Variants in SPTAN1 observed in about 807,000 individuals in gnomAD.
SPTAN1 encodes spectrin alpha chain, non-erythrocytic 1.
A neutral mutation model predicts 331.3 loss-of-function variants in SPTAN1; 61 were observed. That is an observed-to-expected ratio of 0.18 (90% CI 0.15 to 0.23). The LOEUF (loss-of-function observed/expected upper bound fraction) is 0.23. Ranked by LOEUF, SPTAN1 falls within the 10% of genes least tolerant of loss-of-function variation. The probability of loss-of-function intolerance (pLI) is 1.00; values close to 1 mark genes in which losing one functional copy is unlikely to be tolerated. For missense variants in SPTAN1, 2,043 were observed against 3,147.9 expected, an observed-to-expected ratio of 0.65 and a Z score of 8.40; for synonymous variants, 1,153 against 1,173.9, an observed-to-expected ratio of 0.98 and a Z score of 0.36.
Position 128,618,075 on chromosome 9 carries a change from A to G in SPTAN1, c.5567A>G (p.His1856Arg), listed in dbSNP as rs1857396194. ...IQQRLAQFVE[H>R]WKELKQLAAA... The stretch of plus-strand genomic sequence containing the variant: ...CAGCGGCTGGCGCAGTTTGTGGAGC[A>G]CTGGAAAGAGCTGAAGCAGCTGGCA... Residue 1856 changes from histidine (H) to arginine (R), a missense_variant, in exon 43 of 57, where the codon CAC becomes CGC. His to Arg is a conservative substitution (Grantham distance 29). This residue lies in a region of SPTAN1 where 323 missense variants were observed against 581.1 expected (regional missense o/e 0.56). Coordinates refer to ENST00000372739, the MANE Select transcript of SPTAN1 (RefSeq NM_001130438.3). The G allele has an allele frequency of 1.2e-6, 2 of 1,613,820 alleles. No individual in the cohort carries two copies. The highest frequency in any genetic ancestry group is 2.2e-5 in the South Asian group (2 of 91,068).
chr9:128,628,001 C>A, intron 51 of SPTAN1, 59 bp downstream of exon 51: 1 of 1,609,090 alleles, frequency 6.2e-7, no homozygotes, highest in Non-Finnish European at 8.5e-7. Flanking sequence ...TGCGCTTGCC[C>A]CTCGTGGCCT....
chr9:128,607,763 C>T, intron 32 of SPTAN1, 60 bp downstream of exon 32: 1 of 1,611,350 alleles, frequency 6.2e-7, no homozygotes, highest in Non-Finnish European at 8.5e-7. Context: ...CCCTAGAGGC[C>T]TCATTCCCAC....
In SPTAN1 at chr9:128,594,108, C is replaced by T; in HGVS notation, c.3216-67C>T. 3 of 1,544,000 alleles carry T rather than the reference C, an allele frequency of 1.9e-6. No homozygotes were observed. The South Asian group carries it at 3.4e-5, about 17-fold the overall frequency. ...ATCTTGGAGACACCTCGTGGTTTGC[C>T]TTTATGTTAGCATCTACAGCTAACT... On this transcript the variant is annotated intron_variant, in intron 23 of 56. Transcript: ENST00000372739.
Position 128,632,627 on chromosome 9 carries a change from C to T in SPTAN1, c.7069C>T (p.Leu2357=). The T allele has an allele frequency of 4.3e-6, 7 of 1,614,080 alleles. No homozygotes were observed. Among genetic ancestry groups the T allele is most frequent in the Non-Finnish European group, 5.9e-6 (7 of 1,180,042 alleles). The change falls in exon 55 of 57, where the codon CTG becomes TTG. Residue 2357 remains leucine, a synonymous_variant. Coordinates refer to ENST00000372739, the MANE Select transcript of SPTAN1 (RefSeq NM_001130438.3). Reference sequence around the variant, plus strand: ...GAACCATCAGGAGTTCAAATCTTGCCTGCGCTCCCTGGGCTATGACCTGCC... The same window carrying T: ...GAACCATCAGGAGTTCAAATCTTGCTTGCGCTCCCTGGGCTATGACCTGCC... ...RLNHQEFKSC[L]RSLGYDLPMV... is the part of the protein sequence containing the mutation.
chr9:128,599,841 A>G (rs752113454), intron 26 of SPTAN1: 8 of 576,396 alleles, frequency 1.4e-5, no homozygotes, highest in Non-Finnish European at 2.5e-5. Context: ...TATTCTCTCC[A>G]TTTCTTCTAC....
intron 1 of SPTAN1, among the ~76,000 whole-genome samples, chr9:128,562,015 A>C (rs1482125149): frequency 6.6e-6 from 1 of 152,200 alleles, no homozygotes; most frequent in African/African-American, 2.4e-5. Context: ...CAGTGTTATA[A>C]GATGAATGAT....
intron 52 of SPTAN1, among the ~76,000 whole-genome samples, chr9:128,630,929 G>A (rs919044876): frequency 6.6e-6 from 1 of 152,002 alleles, no homozygotes; most frequent in Non-Finnish European, 1.5e-5. Flanking sequence ...GGCTGGTCTC[G>A]AACTCCTGAC....
Position 128,633,292 on chromosome 9 carries a change from G to C in SPTAN1, c.7392G>C (p.Ala2464=), listed in dbSNP as rs149318543. ...GCAAGGGCCGCGAGCTCCCCACCGC[G>C]TTCGACTACGTGGAGTTCACCCGCT... The part of the protein sequence containing the change: ...VDGKGRELPT[A]FDYVEFTRSL... Residue 2464 remains alanine (A), a synonymous_variant, in exon 57 of 57, where the codon GCG becomes GCC. Transcript: ENST00000372739. 2 of 1,613,972 alleles carry C rather than the reference G, an allele frequency of 1.2e-6. No homozygotes were observed. The highest frequency in any genetic ancestry group is 1.7e-6 in the Non-Finnish European group (2 of 1,180,020).
At chr9:128,600,172 G>C (rs1353771547) in intron 27 of SPTAN1, 57 bp downstream of exon 27, 4 of 1,565,272 alleles carry the variant, frequency 2.6e-6, no homozygotes, top group African/African-American at 2.7e-5. Context: ...CATGAAATAT[G>C]TCCTTTTCTG....
At position 128,625,720 on chromosome 9, in the gene SPTAN1, T is replaced by C; in HGVS notation, c.6070-49T>C. On this transcript the variant is annotated intron_variant, in intron 47 of 56. Coordinates refer to ENST00000372739, the MANE Select transcript of SPTAN1 (RefSeq NM_001130438.3). This position sits in a 1 kb window ranked among gnomAD's most constrained non-coding sequence, Gnocchi z 4.1. The stretch of plus-strand genomic sequence containing the variant: ...GCCATCTGAGCCTAGGAAGAGCAAG[T>C]TCCAGTCCTGTGGAGTCACCACAAA... The C allele has an allele frequency of 6.3e-7, 1 of 1,581,850 alleles. No homozygotes were observed. Among genetic ancestry groups the C allele is most frequent in the Non-Finnish European group, 8.7e-7 (1 of 1,153,936 alleles).
chr9:128,631,872 G>A lies in SPTAN1; in HGVS notation c.6763-255G>A, dbSNP rs1009003633. ...GCTTCCTGGAGTCCTCGCCGTACTT[G>A]TCCTTGGCGTGCACTGCCCTCTGGC... is the stretch of plus-strand genomic sequence containing the variant. On this transcript the variant is annotated intron_variant, in intron 52 of 56. Transcript: ENST00000372739. The A allele has an allele frequency of 5.5e-6, 3 of 543,352 alleles. No homozygotes were observed. In the African/African-American group the frequency reaches 5.7e-5, roughly 10 times the overall value. 33.7% of individuals were successfully genotyped at this position (543,352 alleles called of 1,614,324 possible).
chr9:128,614,480 C>T (rs1856911534), intron 40 of SPTAN1, among the ~76,000 whole-genome samples: 1 of 151,732 alleles, frequency 6.6e-6, no homozygotes, highest in South Asian at 2.1e-4. Flanking sequence ...ATCCCGGCTA[C>T]TTGGGAGGCT....
In SPTAN1 at chr9:128,574,976, G is replaced by GC. The variant is rs761013466; in HGVS notation, c.504+161_504+162insC. Among the ~76,000 whole-genome samples the GC allele has an allele frequency of 0.026, 3,924 of 152,308 alleles. 76 individuals are homozygous for GC. Among genetic ancestry groups the GC allele is most frequent in the Middle Eastern group, 0.048 (14 of 294 alleles). Reference sequence around the variant, plus strand: ...CTCTCCAGCTGCTCTCTAGGTGTATGTGCTATTCTGTAACTCTGAAGCCTG... The same window carrying GC: ...CTCTCCAGCTGCTCTCTAGGTGTATGCTGCTATTCTGTAACTCTGAAGCCTG... On this transcript the variant is annotated intron_variant, in intron 4 of 56. Coordinates refer to ENST00000372739, the MANE Select transcript of SPTAN1 (RefSeq NM_001130438.3).
rs373506212 is a variant in SPTAN1 at position 128,617,789 on chromosome 9, G to A, written c.5478+29G>A. The A allele has an allele frequency of 3.9e-5, 63 of 1,613,128 alleles. 1 individual carries two copies. In the Middle Eastern group the frequency reaches 8.6e-4, roughly 22 times the overall value. On this transcript the variant is annotated intron_variant, in intron 42 of 56. Transcript: ENST00000372739. ...AGGAGGCCGCCTTCTGGCCAAGAGG[G>A]CAGAGGTGTTTGAGTGGGCCCCAGG...
At chr9:128,559,488 A>G (rs1360070077) in intron 1 of SPTAN1, among the ~76,000 whole-genome samples, 1 of 152,000 alleles carries the variant, frequency 6.6e-6, no homozygotes, top group Non-Finnish European at 1.5e-5. Flanking sequence ...AGCACCATAC[A>G]CTCGAATCCT....
At chr9:128,621,281 C>T (rs778148136) in intron 45 of SPTAN1, 25 bp downstream of exon 45, 157 of 1,597,308 alleles carry the variant, frequency 9.8e-5, no homozygotes, top group Non-Finnish European at 5.1e-6. Flanking sequence ...TTGGTAAGAC[C>T]TCCATCGCCC....
At chr9:128,583,697 T>C in intron 15 of SPTAN1, 91 bp from the exon 16 acceptor site, 1 of 1,366,372 alleles carries the variant, frequency 7.3e-7, no homozygotes, top group South Asian at 1.2e-5. Context: ...CTGACCTGTA[T>C]AGTCCTTCAC....
At chr9:128,586,918 A>G (rs1852724615) in intron 19 of SPTAN1, among the ~76,000 whole-genome samples, 1 of 151,906 alleles carries the variant, frequency 6.6e-6, no homozygotes, top group African/African-American at 2.4e-5. Context: ...CCTGGGTTCA[A>G]GCGATTCTTC....
chr9:128,602,341 C>G (rs897893633), intron 27 of SPTAN1, among the ~76,000 whole-genome samples: 2 of 151,708 alleles, frequency 1.3e-5, no homozygotes, highest in Non-Finnish European at 2.9e-5. Flanking sequence ...CTCAGCCTCC[C>G]GTGTAGCTAG....
Sources: allele counts gnomAD v4.1 joint callset (sites outside exome capture counted in the v4.1 genomes callset), GRCh38; gene constraint gnomAD v4.1.1; regional missense constraint gnomAD v4.1.1; non-coding constraint Gnocchi (gnomAD v3.1); transcripts MANE v1.5; gene names NCBI Gene and HGNC (gene_info 2026-07-23, HGNC 2026-07-21).